The following DAXX variants were observed in gnomAD, a reference collection of about 807,000 sequenced individuals.
DAXX encodes the protein death domain-associated protein 6.
Under a neutral mutation model 61.9 loss-of-function variants are expected in DAXX, and 24 were observed. That is an observed-to-expected ratio of 0.39 (90% CI 0.28 to 0.55). The LOEUF is 0.55. Ranked by LOEUF, DAXX falls within the 20% of genes least tolerant of loss-of-function variation. The pLI is 0.69. For missense variants in DAXX, 819 were observed against 935.3 expected (o/e 0.88, Z 1.62); for synonymous variants, 357 against 369.5 (o/e 0.97, Z 0.39).
At chr6:33,319,297 A>G in intron 6 of DAXX, 78 bp from the exon 7 acceptor site, 1 of 1,563,106 alleles carries the variant, frequency 6.4e-7, no homozygotes, top group South Asian at 1.2e-5. Flanking sequence ...CTCTCCCAGC[A>G]GACTCAGTTC....
rs1315462606 is a variant in DAXX at position 33,318,768 on chromosome 6, A to T, written c.2198T>A (p.Ile733Asn). 6.4e-7 allele frequency: 1 copy of T among 1,554,678 alleles called. No homozygotes were observed. The highest frequency in any genetic ancestry group is 8.8e-7 in the Non-Finnish European group (1 of 1,140,522). Residue 733 changes from isoleucine to asparagine, a missense_variant, in exon 8 of 8, where the codon ATC (isoleucine) becomes AAC (asparagine). By Grantham distance (149) the Ile-to-Asn change is moderately radical (BLOSUM62 -3). Coordinates refer to ENST00000374542, the MANE Select transcript of DAXX (RefSeq NM_001141969.2). ...SVATQCDPEE[I>N]IVLSDSD ...CTAATCAGAGTCTGAGAGCACGATG[A>T]TCTCTTCTGGATCGCATTGTGTGGC...
At chr6:33,322,723 G>C in intron 1 of DAXX, 139 bp downstream of exon 1, 9 of 277,694 alleles carry the variant, frequency 3.2e-5, no homozygotes, top group South Asian at 1.1e-4. Flanking sequence ...CCCCAGTTCA[G>C]CCCCCGGCCG....
rs750390792 is a variant in DAXX at position 33,319,612 on chromosome 6, C to T, written c.1708G>A (p.Glu570Lys). 3.1e-6 allele frequency: 5 copies of T among 1,614,054 alleles called. No individual in the cohort carries two copies. Among genetic ancestry groups the T allele is most frequent in the Non-Finnish European group, 3.4e-6 (4 of 1,179,922 alleles). ...GTATCCAGGGGCAAAGCTTCAATCTCTAGCTCAAAGAGCTGAGACACAGGG... is the reference window on the plus strand; with the variant it reads ...GTATCCAGGGGCAAAGCTTCAATCTTTAGCTCAAAGAGCTGAGACACAGGG... Reference protein sequence around the residue: ...ESPVSQLFELEIEALPLDTPS... With the variant: ...ESPVSQLFELKIEALPLDTPS... Residue 570 changes from glutamate (E) to lysine (K), a missense_variant, in exon 6 of 8, where the codon GAG (glutamate) becomes AAG (lysine). Glu to Lys is a moderately conservative substitution (Grantham distance 56). Transcript: ENST00000374542.
At position 33,321,585 on chromosome 6, in the gene DAXX, A is replaced by G; in HGVS notation, c.208-18T>C. ...TCAAGGAACTAGAAGGTTCAGGGGA[A>G]GAAGGAAGGGGAAGAGAGACAAGGG... On this transcript the variant is annotated intron_variant, in intron 2 of 7. Transcript: ENST00000374542. This position sits in a 1 kb window ranked among gnomAD's most constrained non-coding sequence, Gnocchi z 7.2. 6.2e-7 allele frequency: 1 copy of G among 1,607,264 alleles called. No individual in the cohort carries two copies. Among genetic ancestry groups the G allele is most frequent in the Non-Finnish European group, 8.5e-7 (1 of 1,174,860 alleles).
rs1448877303 is a variant in DAXX at position 33,319,168 on chromosome 6, A to T, written c.1992T>A (p.Cys664Ter). 6.2e-7 allele frequency: 1 copy of T among 1,612,560 alleles called. No individual in the cohort carries two copies. The highest frequency in any genetic ancestry group is 1.7e-5 in the Admixed American group (1 of 59,920). ...AGGGGGAAGGTGGGCTGGGCAGGGT[A>T]CATATCTTTTTCCCATTCTTCTCAT... ...SVHEKNGKKI[C>*]TLPSPPSPLA... Residue 664 changes from cysteine (C) to a stop codon, truncating the protein, a stop_gained, in exon 7 of 8, where the codon TGT becomes TGA. Transcript: ENST00000374542. LOFTEE classifies it high-confidence loss of function.
In DAXX at chr6:33,321,781, C is replaced by G; in HGVS notation, c.145G>C (p.Gly49Arg). 6.2e-7 allele frequency: 1 copy of G among 1,613,288 alleles called. No individual in the cohort carries two copies. Among genetic ancestry groups the G allele is most frequent in the Non-Finnish European group, 8.5e-7 (1 of 1,179,592 alleles). The change falls in exon 2 of 8, where the codon GGA becomes CGA. Residue 49 changes from glycine (G) to arginine (R), a missense_variant. Transcript: ENST00000374542. The surrounding 1 kb of genome is among the most constrained non-coding windows in gnomAD (Gnocchi z 7.2). ...PSSSEPHGAR[G>R]SSSSGGKKCY... ...TTCTTGCCGCCCGAACTACTGCTTC[C>G]TCTGGCCCCATGAGGCTCAGAGGAG...
chr6:33,321,258 T>C lies in DAXX; in HGVS notation c.517A>G (p.Asn173Asp). The change falls in exon 3 of 8, where the codon AAC (asparagine) becomes GAC (aspartate). Residue 173 changes from asparagine to aspartate, a missense_variant. Physicochemically the swap from Asn to Asp is conservative, Grantham distance 23. Transcript: ENST00000374542. This position sits in a 1 kb window ranked among gnomAD's most constrained non-coding sequence, Gnocchi z 7.2. ...GTCCTTGGAGACTGAGAGGCAGTGT[T>C]TTCAGCATTTGTGGGGTCCAAGGAG... ...HLSLDPTNAE[N>D]TASQSPRTRG... is the part of the protein sequence containing the mutation. 6.2e-7 allele frequency: 1 copy of C among 1,613,358 alleles called. No homozygotes were observed. Among genetic ancestry groups the C allele is most frequent in the Non-Finnish European group, 8.5e-7 (1 of 1,179,336 alleles).
In DAXX at chr6:33,318,981, GCC is replaced by G. The variant is rs1198837440; in HGVS notation, c.2163+14_2163+15del. On this transcript the variant is annotated intron_variant, in intron 7 of 7. Coordinates refer to ENST00000374542, the MANE Select transcript of DAXX (RefSeq NM_001141969.2). ...GAGAACAAATTGTCAGAGGAAACAC[GCC>G]CTCCCCTTCTTACCTTGCAAGTACC... 2.5e-6 allele frequency: 4 copies of G among 1,598,642 alleles called. No individual in the cohort carries two copies. Among genetic ancestry groups the G allele is most frequent in the Non-Finnish European group, 3.4e-6 (4 of 1,167,736 alleles).
In DAXX at chr6:33,319,768, A is replaced by G; in HGVS notation, c.1552T>C (p.Ser518Pro). Reference protein sequence around the residue: ...LEPGKQISRSSGEQQNKGRIV... With the variant: ...LEPGKQISRSPGEQQNKGRIV... ...CGTCCTTTGTTTTGCTGCTCCCCTG[A>G]AGATCTGCTGATCTGTTTGCCAGGT... The change falls in exon 6 of 8, where the codon TCA (serine) becomes CCA (proline). Residue 518 changes from serine (S) to proline (P), a missense_variant. Coordinates refer to ENST00000374542, the MANE Select transcript of DAXX (RefSeq NM_001141969.2). 6.2e-7 allele frequency: 1 copy of G among 1,614,158 alleles called. No individual in the cohort carries two copies. The highest frequency in any genetic ancestry group is 8.5e-7 in the Non-Finnish European group (1 of 1,180,036).
chr6:33,320,931 T>C lies in DAXX; in HGVS notation c.844A>G (p.Thr282Ala), dbSNP rs560077934. The change falls in exon 3 of 8, where the codon ACC (threonine) becomes GCC (alanine). Residue 282 changes from threonine to alanine, a missense_variant. Thr to Ala is a moderately conservative substitution (Grantham distance 58). Transcript: ENST00000374542. This position sits in a 1 kb window ranked among gnomAD's most constrained non-coding sequence, Gnocchi z 7.1. ...AGCACATCCCCATAGTCAGGGAAGG[T>C]ATCAGGCCCTGGCTTGTTGATGAGC... ...ERLINKPGPDTFPDYGDVLRA... is the reference protein window; with the variant it reads ...ERLINKPGPDAFPDYGDVLRA... 4.0e-5 allele frequency: 64 copies of C among 1,614,108 alleles called. No individual in the cohort carries two copies. The South Asian group carries it at 6.8e-4, about 17-fold the overall frequency.
intron 7 of DAXX, 41 bp downstream of exon 7, chr6:33,318,956 G>A: frequency 6.4e-7 from 1 of 1,553,998 alleles, no homozygotes; most frequent in Non-Finnish European, 8.9e-7. Context: ...GCCAATGAAA[G>A]AGAACAAATT....
In DAXX at chr6:33,320,552, C is replaced by T. The variant is rs762419626; in HGVS notation, c.1079G>A (p.Arg360His). The change falls in exon 4 of 8, where the codon CGC becomes CAC. Residue 360 changes from arginine to histidine, a missense_variant. Physicochemically the swap from Arg to His is conservative, Grantham distance 29. Transcript: ENST00000374542. This position sits in a 1 kb window ranked among gnomAD's most constrained non-coding sequence, Gnocchi z 7.1. Reference sequence around the variant, plus strand: ...GGCCAAACTCCGGTTTTCCCGAAGGCGCCGGGCCAACACAGGATCTGATAG... The same window carrying T: ...GGCCAAACTCCGGTTTTCCCGAAGGTGCCGGGCCAACACAGGATCTGATAG... ...PALSDPVLAR[R>H]LRENRSLAMS... 7 of 1,613,854 alleles carry T rather than the reference C, an allele frequency of 4.3e-6. No homozygotes were observed. The highest frequency in any genetic ancestry group is 3.3e-4 in the Middle Eastern group (2 of 6,082).
Position 33,321,761 on chromosome 6 carries a change from G to A in DAXX, c.165C>T (p.Gly55=). ...HGARGSSSSG[G]KKCYKLENEK... is the part of the protein sequence containing the mutation. The stretch of plus-strand genomic sequence containing the variant: ...CATTCTCCAGCTTGTAGCATTTCTT[G>A]CCGCCCGAACTACTGCTTCCTCTGG... Residue 55 remains glycine, a synonymous_variant, in exon 2 of 8, where the codon GGC becomes GGT. Transcript: ENST00000374542. The surrounding 1 kb of genome is among the most constrained non-coding windows in gnomAD (Gnocchi z 7.2). The A allele has an allele frequency of 1.2e-6, 2 of 1,613,400 alleles. No homozygotes were observed. Among genetic ancestry groups the A allele is most frequent in the Non-Finnish European group, 1.7e-6 (2 of 1,179,840 alleles).
chr6:33,319,646 C>T lies in DAXX; in HGVS notation c.1674G>A (p.Glu558=), dbSNP rs2150989216. 2 of 1,613,974 alleles carry T rather than the reference C, an allele frequency of 1.2e-6. No individual in the cohort carries two copies. Among genetic ancestry groups the T allele is most frequent in the Middle Eastern group, 3.3e-4 (2 of 6,060 alleles). The change falls in exon 6 of 8, where the codon GAG becomes GAA. Residue 558 remains glutamate, a synonymous_variant. Coordinates refer to ENST00000374542, the MANE Select transcript of DAXX (RefSeq NM_001141969.2). The part of the protein sequence containing the change: ...NGEQPEELTL[E]EESPVSQLFE... ...AGAGCTGAGACACAGGGCTTTCTTC[C>T]TCCAGGGTCAGCTCCTCAGGCTGTT...
At position 33,322,932 on chromosome 6, in the gene DAXX, T is replaced by G; in HGVS notation, c.-123A>C. 7.2e-7 allele frequency: 1 copy of G among 1,392,778 alleles called. No homozygotes were observed. The highest frequency in any genetic ancestry group is 1.1e-5 in the South Asian group (1 of 87,610). 86.3% of individuals were successfully genotyped at this position (1,392,778 alleles called of 1,614,324 possible). A position where few individuals can be genotyped will look rare whatever the true frequency, so the allele number is the denominator to read the frequency against. On this transcript the variant is annotated 5_prime_UTR_variant, in exon 1 of 8. Transcript: ENST00000374542. ...CCTCGCATGGTTCCCTCCGCCTTCC[T>G]TCCCACTCCCACCGCAGGCCCCACT... is the stretch of plus-strand genomic sequence containing the variant.
At position 33,319,124 on chromosome 6, in the gene DAXX, A is replaced by T; in HGVS notation, c.2036T>A (p.Val679Asp). 6.2e-7 allele frequency: 1 copy of T among 1,614,232 alleles called. No individual in the cohort carries two copies. The highest frequency in any genetic ancestry group is 1.1e-5 in the South Asian group (1 of 91,088). ...GTCCACCCTCGTGGAGGAATCAGCAACTGGGGCCAAGGAAGCCAAGGGGGA... is the reference window on the plus strand; with the variant it reads ...GTCCACCCTCGTGGAGGAATCAGCATCTGGGGCCAAGGAAGCCAAGGGGGA... ...PPSPLASLAP[V>D]ADSSTRVDSP... The change falls in exon 7 of 8, where the codon GTT becomes GAT. Residue 679 changes from valine (V) to aspartate (D), a missense_variant. Physicochemically the swap from Val to Asp is radical, Grantham distance 152. Coordinates refer to ENST00000374542, the MANE Select transcript of DAXX (RefSeq NM_001141969.2).
rs1305608706 is a variant in DAXX at position 33,320,637 on chromosome 6, C to G, written c.1040-46G>C. 6.2e-7 allele frequency: 1 copy of G among 1,605,674 alleles called. No individual in the cohort carries two copies. Among genetic ancestry groups the G allele is most frequent in the South Asian group, 1.1e-5 (1 of 90,182 alleles). ...TCAGAGCACTCAGCCCTTGAAGGGA[C>G]TAGAAGAGTAAAAACCCTAGAAAGG... On this transcript the variant is annotated intron_variant, in intron 3 of 7. Transcript: ENST00000374542. The surrounding 1 kb of genome is among the most constrained non-coding windows in gnomAD (Gnocchi z 7.1).
rs1373347535 is a variant in DAXX at position 33,320,784 on chromosome 6, C to T, written c.991G>A (p.Asp331Asn). 1 of 1,614,160 alleles carries T rather than the reference C, an allele frequency of 6.2e-7. No individual in the cohort carries two copies. Among genetic ancestry groups the T allele is most frequent in the East Asian group, 2.2e-5 (1 of 44,882 alleles). ...GIRLQERRHL[D>N]LIYNFGCHLT... is the part of the protein sequence containing the mutation. ...TGGCAGCCAAAGTTGTAGATGAGAT[C>T]GAGGTGACGTCGCTCCTGTAACCTG... Residue 331 changes from aspartate to asparagine, a missense_variant, in exon 3 of 8, where the codon GAT (aspartate) becomes AAT (asparagine). Coordinates refer to ENST00000374542, the MANE Select transcript of DAXX (RefSeq NM_001141969.2). This position sits in a 1 kb window ranked among gnomAD's most constrained non-coding sequence, Gnocchi z 7.1.
rs572159620 is a variant in DAXX at position 33,322,623 on chromosome 6, C to T, written c.-53+239G>A. 87 of 337,914 alleles carry T rather than the reference C, an allele frequency of 2.6e-4. 1 individual carries two copies. Among genetic ancestry groups the T allele is most frequent in the South Asian group, 2.1e-3 (84 of 39,938 alleles). The allele number at this position is 337,914 out of a possible 1,614,324, so 20.9% of individuals were successfully genotyped here. A position where few individuals can be genotyped will look rare whatever the true frequency, so the allele number is the denominator to read the frequency against. On this transcript the variant is annotated intron_variant, in intron 1 of 7. Transcript: ENST00000374542. The stretch of plus-strand genomic sequence containing the variant: ...GACCCGTAACTGATCAAAAGTCCCC[C>T]CGCACCGCGCTACGCTCTCGCGATT...
Sources: gnomAD v4.1 joint callset for allele counts on GRCh38, gnomAD v4.1.1 for gene constraint, Gnocchi (gnomAD v3.1) non-coding constraint, MANE v1.5 for transcripts, NCBI Gene and HGNC (gene_info 2026-07-23, HGNC 2026-07-21) for gene names.